Variants in CREB5 observed in about 807,000 individuals in gnomAD.
CREB5 encodes the protein cAMP responsive element binding protein 5, also known as cyclic AMP-responsive element-binding protein 5.
Under a neutral mutation model 57.1 loss-of-function variants are expected in CREB5, and 19 were observed. The observed-to-expected ratio is 0.33, with a 90% CI of 0.23 to 0.49. The LOEUF (loss-of-function observed/expected upper bound fraction) is 0.49. CREB5 is among the 20% of genes least tolerant of loss of function. The probability of loss-of-function intolerance (pLI) is 0.99; values close to 1 mark genes in which losing one functional copy is unlikely to be tolerated. For synonymous variants in CREB5, 238 were observed against 238.3 expected (o/e 1.00, Z 0.01); for missense variants, 579 against 671.6 (o/e 0.86, Z 1.52).
At chr7:28,417,087 C>T (rs1788058493) in intron 1 of CREB5, among the ~76,000 whole-genome samples, 1 of 152,154 alleles carries the variant, frequency 6.6e-6, no homozygotes, top group African/African-American at 2.4e-5. Context: ...CTGCCTTGAG[C>T]TTATTGTGCT....
chr7:28,781,391 T>C (rs1177356858), intron 7 of CREB5, among the ~76,000 whole-genome samples: 1 of 152,180 alleles, frequency 6.6e-6, no homozygotes, highest in African/African-American at 2.4e-5. Flanking sequence ...TAATGTGTGG[T>C]CTTAAGGAAT....
chr7:28,404,627 A>G (rs1380128569), intron 1 of CREB5, among the ~76,000 whole-genome samples: 1 of 152,224 alleles, frequency 6.6e-6, no homozygotes, highest in South Asian at 2.1e-4. Flanking sequence ...AGATGGTGAC[A>G]GTGAGCCTTA....
At chr7:28,425,214 A>C (rs559074156) in intron 1 of CREB5, among the ~76,000 whole-genome samples, 1 of 152,304 alleles carries the variant, frequency 6.6e-6, no homozygotes, top group Admixed American at 6.5e-5. Context: ...TCAACTGTTG[A>C]GTAGATAAGC....
intron 8 of CREB5, among the ~76,000 whole-genome samples, chr7:28,806,215 G>A (rs1030714272): frequency 6.6e-6 from 1 of 152,142 alleles, no homozygotes; most frequent in Admixed American, 6.5e-5. Flanking sequence ...GTCAGTAAGT[G>A]GCCAATAGTA....
At chr7:28,344,753 C>T (rs567944752) in intron 1 of CREB5, among the ~76,000 whole-genome samples, 1 of 151,974 alleles carries the variant, frequency 6.6e-6, no homozygotes, top group South Asian at 2.1e-4. Flanking sequence ...CAATTGTATG[C>T]TGATTATAAG....
At chr7:28,376,270 A>C (rs986548204) in intron 1 of CREB5, among the ~76,000 whole-genome samples, 1 of 127,096 alleles carries the variant, frequency 7.9e-6, no homozygotes, top group South Asian at 3.0e-4. Flanking sequence ...CCAGAGAAGT[A>C]CTTTTTTTTT....
At chr7:28,481,079 G>A (rs1791307667) in intron 1 of CREB5, among the ~76,000 whole-genome samples, 1 of 152,212 alleles carries the variant, frequency 6.6e-6, no homozygotes, top group African/African-American at 2.4e-5. Context: ...ACAAACCTCT[G>A]CAGAAGTACG....
intron 1 of CREB5, among the ~76,000 whole-genome samples, chr7:28,354,658 C>A (rs891275651): frequency 4.6e-5 from 7 of 152,216 alleles, no homozygotes; most frequent in Non-Finnish European, 8.8e-5. Flanking sequence ...CCAGGGCCCT[C>A]CCTGTGCCAG....
chr7:28,401,465 C>T (rs1040778258), intron 1 of CREB5, among the ~76,000 whole-genome samples: 1 of 151,632 alleles, frequency 6.6e-6, no homozygotes, highest in Non-Finnish European at 1.5e-5. Context: ...ACGCAACGTA[C>T]AGGTTTGTTA....
At chr7:28,779,055 A>G (rs570337831) in intron 7 of CREB5, 18 of 152,292 alleles carry the variant, frequency 1.2e-4, no homozygotes, top group East Asian at 7.7e-4. Flanking sequence ...CATTTTCCAA[A>G]TTGGATGTTA....
At chr7:28,410,026 T>A, upstream of CREB5, 1 of 447,844 alleles carries the variant, frequency 2.2e-6, no homozygotes, top group South Asian at 1.6e-5. Context: ...TTTGCAAACT[T>A]CCAGCGGGCG....
chr7:28,701,935 T>C (rs190583223), intron 5 of CREB5, among the ~76,000 whole-genome samples: 37 of 152,354 alleles, frequency 2.4e-4, no homozygotes, highest in South Asian at 1.7e-3. Flanking sequence ...TGTGAACCAA[T>C]AGGCCAAAGA....
intron 5 of CREB5, among the ~76,000 whole-genome samples, chr7:28,674,755 A>G (rs1184728342): frequency 1.3e-5 from 2 of 152,220 alleles, no homozygotes; most frequent in African/African-American, 4.8e-5. Flanking sequence ...CTGTTGTCCA[A>G]TCTCGAATTC....
At position 28,782,803 on chromosome 7, in the gene CREB5, A is replaced by T. The variant is rs79881969; in HGVS notation, c.703-21396A>T. Among the ~76,000 whole-genome samples, 1,318 of 152,334 alleles carry T rather than the reference A, an allele frequency of 8.7e-3. 13 individuals are homozygous for T. The highest frequency in any genetic ancestry group is 0.01 in the Middle Eastern group (3 of 294). ...AATGAGCCAAAAACTGAACTGGCCAATGGTGAGGGGAAGAGAGACAGCACA... is the reference window on the plus strand; with the variant it reads ...AATGAGCCAAAAACTGAACTGGCCATTGGTGAGGGGAAGAGAGACAGCACA... On this transcript the variant is annotated intron_variant, in intron 7 of 10. Transcript: ENST00000357727.
chr7:28,738,389 TC>T (rs1183010342), intron 7 of CREB5, among the ~76,000 whole-genome samples: 1 of 152,196 alleles, frequency 6.6e-6, no homozygotes, highest in African/African-American at 2.4e-5. Flanking sequence ...TGGATGTGGT[TC>T]GGTCTCGAGG....
At chr7:28,317,182 C>T (rs1175885670) in intron 1 of CREB5, among the ~76,000 whole-genome samples, 1 of 152,024 alleles carries the variant, frequency 6.6e-6, no homozygotes. Flanking sequence ...CAGTTTCTCC[C>T]TGTTGCATGG....
chr7:28,303,684 T>G (rs1013900), intron 1 of CREB5, among the ~76,000 whole-genome samples: 91,005 of 152,092 alleles, frequency 0.6, 29,926 homozygotes, highest in East Asian at 0.96. Flanking sequence ...TATCTAGTTT[T>G]GCCTCCCTGT....
At chr7:28,616,052 T>G (rs1373088662) in intron 5 of CREB5, among the ~76,000 whole-genome samples, 1 of 152,258 alleles carries the variant, frequency 6.6e-6, no homozygotes, top group Non-Finnish European at 1.5e-5. Context: ...TGTAGAGTTT[T>G]GTACAATCTG....
intron 4 of CREB5, among the ~76,000 whole-genome samples, chr7:28,531,999 A>G (rs1793751951): frequency 1.3e-5 from 2 of 152,244 alleles, no homozygotes; most frequent in African/African-American, 2.4e-5. Context: ...ACTGCACTCC[A>G]GCCTGGCAAC....
Sources: allele counts gnomAD v4.1 joint callset (sites outside exome capture counted in the v4.1 genomes callset), GRCh38; gene constraint gnomAD v4.1.1; transcripts MANE v1.5; gene names NCBI Gene and HGNC (gene_info 2026-07-23, HGNC 2026-07-21).